CDS2: variants seen among roughly 807,000 people sequenced by gnomAD.
The protein encoded by CDS2 is CDP-diacylglycerol synthase 2, also known as phosphatidate cytidylyltransferase 2.
Under a neutral mutation model 59.0 loss-of-function variants are expected in CDS2, and 47 were observed. The observed-to-expected ratio is 0.80, with a 90% CI of 0.63 to 1.02. The LOEUF (loss-of-function observed/expected upper bound fraction) is 1.02, where lower values mean the gene tolerates loss of function less well. CDS2 is among the 50% of genes least tolerant of loss of function. CDS2 has a pLI of 0.00. For missense variants in CDS2, 356 were observed against 558.9 expected, an observed-to-expected ratio of 0.64 and a Z score of 3.66; for synonymous variants, 207 against 206.4, an observed-to-expected ratio of 1.00 and a Z score of -0.02.
intron 1 of CDS2, among the ~76,000 whole-genome samples, chr20:5,128,903 A>G (rs1217462577): frequency 6.6e-6 from 1 of 152,148 alleles, no homozygotes; most frequent in Non-Finnish European, 1.5e-5. Flanking sequence ...AAAGCTAACT[A>G]TGTACAATAA....
intron 10 of CDS2, 133 bp downstream of exon 10, chr20:5,186,972 A>T: frequency 1.0e-6 from 1 of 971,176 alleles, no homozygotes; most frequent in South Asian, 1.5e-5. Flanking sequence ...GATGAAGGAG[A>T]ATTGCTCACG....
At position 5,184,865 on chromosome 20, in the gene CDS2, G is replaced by A; in HGVS notation, c.679G>A (p.Val227Ile). 6.2e-7 allele frequency: 1 copy of A among 1,613,406 alleles called. No individual in the cohort carries two copies. Among genetic ancestry groups the A allele is most frequent in the Non-Finnish European group, 8.5e-7 (1 of 1,179,436 alleles). ...NLFEGMIWFIVPISCVICNDI... is the reference protein window; with the variant it reads ...NLFEGMIWFIIPISCVICNDI... ...ACTTTGGTTCATTTCTAGGTTCATTGTCCCCATATCTTGTGTGATCTGTAA... is the reference window on the plus strand; with the variant it reads ...ACTTTGGTTCATTTCTAGGTTCATTATCCCCATATCTTGTGTGATCTGTAA... Residue 227 changes from valine to isoleucine, a missense_variant, in exon 8 of 13, where the codon GTC becomes ATC. By Grantham distance (29) the Val-to-Ile change is conservative. Coordinates refer to ENST00000460006, the MANE Select transcript of CDS2 (RefSeq NM_003818.4). This position sits in a 1 kb window ranked among gnomAD's most constrained non-coding sequence, Gnocchi z 4.3.
At chr20:5,158,958 G>A (rs1280770129) in intron 1 of CDS2, among the ~76,000 whole-genome samples, 3 of 152,190 alleles carry the variant, frequency 2.0e-5, no homozygotes, top group Admixed American at 6.5e-5. Context: ...CTCAGCACAG[G>A]TGAGGGTGAG....
chr20:5,192,012 C>T lies in CDS2; in HGVS notation c.*1778C>T, dbSNP rs1019515326. On this transcript the variant is annotated 3_prime_UTR_variant, in exon 13 of 13. Coordinates refer to ENST00000460006, the MANE Select transcript of CDS2 (RefSeq NM_003818.4). ...CATTAAGTGAGGTCCTGGGCACCCCCCAAACAGGAAGTGTTTTCAGGCCCT... is the reference window on the plus strand; with the variant it reads ...CATTAAGTGAGGTCCTGGGCACCCCTCAAACAGGAAGTGTTTTCAGGCCCT... 2 of 152,196 alleles carry T rather than the reference C, an allele frequency of 1.3e-5. No homozygotes were observed. Among genetic ancestry groups the T allele is most frequent in the Non-Finnish European group, 2.9e-5 (2 of 68,072 alleles). The allele number at this position is 152,196 out of a possible 1,614,324, so 9.4% of individuals were successfully genotyped here.
At position 5,189,778 on chromosome 20, in the gene CDS2, G is replaced by A. The variant is rs761127363; in HGVS notation, c.1145G>A (p.Arg382His). 6.8e-6 allele frequency: 11 copies of A among 1,613,956 alleles called. No homozygotes were observed. Among genetic ancestry groups the A allele is most frequent in the South Asian group, 3.3e-5 (3 of 91,082 alleles). The change falls in exon 12 of 13, where the codon CGC becomes CAC. Residue 382 changes from arginine to histidine, a missense_variant. This residue lies in a region of CDS2 where 41 missense variants were observed against 104.4 expected (regional missense o/e 0.39). Transcript: ENST00000460006. ...CCTGGCCATGGAGGCATCATGGATC[G>A]CTTTGACTGCCAGTATCTGATGGCC... ...TIPGHGGIMD[R>H]FDCQYLMATF...
intron 1 of CDS2, among the ~76,000 whole-genome samples, chr20:5,164,891 A>G (rs903578133): frequency 6.6e-6 from 1 of 152,172 alleles, no homozygotes; most frequent in African/African-American, 2.4e-5. Context: ...TGAATTAAGT[A>G]ATGGCTTGTG....
intron 11 of CDS2, 84 bp from the exon 12 acceptor site, chr20:5,189,651 G>C (rs923367296): frequency 2.1e-6 from 2 of 950,054 alleles, no homozygotes; most frequent in Non-Finnish European, 3.3e-6. Context: ...CAGCACAGAA[G>C]CCTGACATTG....
At chr20:5,130,474 T>TTTAAAAGCTTTAAAA (rs2090595484) in intron 1 of CDS2, among the ~76,000 whole-genome samples, 1 of 151,726 alleles carries the variant, frequency 6.6e-6, no homozygotes, top group Non-Finnish European at 1.5e-5. Flanking sequence ...TTCAAGTCAG[T>TTTAAAAGCTTTAAAA]GCTTTAAAAG....
intron 1 of CDS2, among the ~76,000 whole-genome samples, chr20:5,155,616 C>A (rs6116663): frequency 6.6e-6 from 1 of 152,124 alleles, no homozygotes; most frequent in African/African-American, 2.4e-5. Context: ...TCTCCTGCCT[C>A]TCTCGTAGGG....
intron 9 of CDS2, among the ~76,000 whole-genome samples, chr20:5,186,119 G>C (rs2091065856): frequency 6.6e-6 from 1 of 152,254 alleles, no homozygotes; most frequent in Admixed American, 6.5e-5. Flanking sequence ...GTGCACCCAA[G>C]GGAAGATGAG....
intron 1 of CDS2, chr20:5,128,168 A>G (rs1471264183): frequency 6.6e-6 from 1 of 152,262 alleles, no homozygotes; most frequent in Non-Finnish European, 1.5e-5. Context: ...AGGGTCCACC[A>G]TCACTTTGTC....
rs191656793 is a variant in CDS2 at position 5,157,433 on chromosome 20, A to G, written c.58-16090A>G. On this transcript the variant is annotated intron_variant, in intron 1 of 12. Coordinates refer to ENST00000460006, the MANE Select transcript of CDS2 (RefSeq NM_003818.4). ...GAGAAAGGATCATGATGGTAGAGGCAGAGAAAGGAGGAGTTGATTGGCATA... is the reference window on the plus strand; with the variant it reads ...GAGAAAGGATCATGATGGTAGAGGCGGAGAAAGGAGGAGTTGATTGGCATA... Among the ~76,000 whole-genome samples the G allele has an allele frequency of 9.8e-5, 15 of 152,334 alleles. No homozygotes were observed. The East Asian group carries it at 2.7e-3, about 27-fold the overall frequency.
At chr20:5,170,376 T>G (rs548683181) in intron 1 of CDS2, among the ~76,000 whole-genome samples, 13 of 152,330 alleles carry the variant, frequency 8.5e-5, no homozygotes, top group African/African-American at 2.9e-4. Flanking sequence ...CTCAGCTTCC[T>G]TTTCCGGGGT....
chr20:5,190,149 C>T lies in CDS2; in HGVS notation c.1253C>T (p.Pro418Leu). 6.2e-7 allele frequency: 1 copy of T among 1,613,980 alleles called. No homozygotes were observed. The part of the protein sequence containing the change: ...KLIQQFLTLR[P>L]DQQLHIFNTL... ...ATTCAGCAGTTCCTGACTTTACGGC[C>T]AGATCAGCAGCTCCACATCTTCAAC... is the stretch of plus-strand genomic sequence containing the variant. Residue 418 changes from proline (P) to leucine (L), a missense_variant, in exon 13 of 13, where the codon CCA (proline) becomes CTA (leucine). This residue lies in a region of CDS2 where 41 missense variants were observed against 104.4 expected (regional missense o/e 0.39). Transcript: ENST00000460006.
intron 10 of CDS2, chr20:5,187,472 T>C (rs1303175229): frequency 6.6e-6 from 1 of 152,236 alleles, no homozygotes; most frequent in Non-Finnish European, 1.5e-5. Flanking sequence ...CTGCTTTTTT[T>C]TTAGAAAAGA....
chr20:5,189,615 C>T, intron 11 of CDS2, 120 bp from the exon 12 acceptor site: 3 of 701,270 alleles, frequency 4.3e-6, no homozygotes, highest in Admixed American at 2.4e-5. Context: ...TTTCATACTT[C>T]TCACCTTCTA....
At chr20:5,190,004 A>C in intron 12 of CDS2, 98 bp from the exon 13 acceptor site, 1 of 1,497,662 alleles carries the variant, frequency 6.7e-7, no homozygotes. Context: ...GTTAATAGAT[A>C]ACTCTCTGAT....
At chr20:5,150,045 A>G (rs1334521600) in intron 1 of CDS2, among the ~76,000 whole-genome samples, 2 of 152,182 alleles carry the variant, frequency 1.3e-5, no homozygotes, top group Non-Finnish European at 2.9e-5. Flanking sequence ...TGCTTTTGAC[A>G]TTGAAATCTT....
intron 1 of CDS2, among the ~76,000 whole-genome samples, chr20:5,150,560 C>T (rs2090780768): frequency 6.6e-6 from 1 of 152,210 alleles, no homozygotes; most frequent in Non-Finnish European, 1.5e-5. Flanking sequence ...TGTACCCAGT[C>T]TCGGAGAGAA....
Sources: allele counts gnomAD v4.1 joint callset (sites outside exome capture counted in the v4.1 genomes callset), GRCh38; gene constraint gnomAD v4.1.1; regional missense constraint gnomAD v4.1.1; non-coding constraint Gnocchi (gnomAD v3.1); transcripts MANE v1.5; gene names NCBI Gene and HGNC (gene_info 2026-07-23, HGNC 2026-07-21).